The following CCBE1 variants were observed in gnomAD, a reference collection of about 807,000 sequenced individuals.
CCBE1 encodes the protein collagen and calcium binding EGF domains 1.
CCBE1 carries 37 observed loss-of-function variants against 50.0 expected under a neutral mutation model. That is an observed-to-expected ratio of 0.74 (90% CI 0.57 to 0.97). The LOEUF is 0.97. CCBE1 is among the 50% of genes least tolerant of loss of function. CCBE1 has a pLI of 0.00. For missense variants in CCBE1, 538 were observed against 523.8 expected (o/e 1.03, Z -0.26); for synonymous variants, 234 against 203.7 (o/e 1.15, Z -1.27).
intron 5 of CCBE1, among the ~76,000 whole-genome samples, chr18:59,455,486 C>G (rs553695107): frequency 6.6e-6 from 1 of 152,306 alleles, no homozygotes; most frequent in Admixed American, 6.5e-5. Flanking sequence ...GCCACTCCAT[C>G]TGGGGCCATT....
At chr18:59,615,804 A>C (rs905504243) in intron 2 of CCBE1, among the ~76,000 whole-genome samples, 2 of 152,232 alleles carry the variant, frequency 1.3e-5, no homozygotes, top group Non-Finnish European at 2.9e-5. Context: ...GGACATAGCT[A>C]GAACAGTGCA....
At chr18:59,652,929 A>C (rs1179721757) in intron 2 of CCBE1, among the ~76,000 whole-genome samples, 1 of 151,076 alleles carries the variant, frequency 6.6e-6, no homozygotes, top group African/African-American at 2.4e-5. Flanking sequence ...GCACCACTGC[A>C]CTCCAGCCTG....
chr18:59,680,330 C>A (rs2054570339), intron 2 of CCBE1, among the ~76,000 whole-genome samples: 1 of 152,024 alleles, frequency 6.6e-6, no homozygotes, highest in Non-Finnish European at 1.5e-5. Flanking sequence ...TGGCCCTAAG[C>A]AGTTTCCAGT....
At chr18:59,461,933 C>T (rs1190416809) in intron 5 of CCBE1, among the ~76,000 whole-genome samples, 1 of 152,048 alleles carries the variant, frequency 6.6e-6, no homozygotes, top group Non-Finnish European at 1.5e-5. Context: ...GGGGTTTCAC[C>T]ATGTTGGCCA....
chr18:59,508,755 T>C (rs1255999296), intron 2 of CCBE1, among the ~76,000 whole-genome samples: 1 of 143,116 alleles, frequency 7.0e-6, no homozygotes, highest in Non-Finnish European at 1.5e-5. Flanking sequence ...TTACTCTGTT[T>C]CCCAAGGCTG....
At chr18:59,684,884 G>A (rs1009899735) in intron 2 of CCBE1, among the ~76,000 whole-genome samples, 8 of 152,144 alleles carry the variant, frequency 5.3e-5, no homozygotes, top group Admixed American at 4.6e-4. Context: ...TTGTTTTCTG[G>A]GGTGGAGGGT....
intron 2 of CCBE1, among the ~76,000 whole-genome samples, chr18:59,618,273 A>T (rs2053663694): frequency 6.6e-6 from 1 of 151,892 alleles, no homozygotes; most frequent in South Asian, 2.1e-4. Flanking sequence ...ACATCAGGAG[A>T]CCCACTGCTA....
chr18:59,581,590 G>A (rs924179844), intron 2 of CCBE1, among the ~76,000 whole-genome samples: 6 of 152,090 alleles, frequency 3.9e-5, no homozygotes, highest in Admixed American at 1.3e-4. Flanking sequence ...AATAGCTCAT[G>A]GTTCCTAACA....
intron 2 of CCBE1, among the ~76,000 whole-genome samples, chr18:59,622,851 G>C (rs11663799): frequency 0.33 from 49,661 of 148,884 alleles, 8,775 homozygotes; most frequent in East Asian, 0.6. Context: ...AGATGCCAGG[G>C]TCTGGGGGAG....
At chr18:59,582,447 C>T (rs1338550028) in intron 2 of CCBE1, among the ~76,000 whole-genome samples, 6 of 152,114 alleles carry the variant, frequency 3.9e-5, no homozygotes, top group Non-Finnish European at 7.4e-5. Flanking sequence ...ATGCCAAGTA[C>T]GTGACAAGAA....
intron 2 of CCBE1, among the ~76,000 whole-genome samples, chr18:59,679,143 C>G (rs1028784977): frequency 1.6e-4 from 25 of 152,248 alleles, no homozygotes; most frequent in Admixed American, 3.3e-4. Context: ...GGTGGCTTCC[C>G]CATACAGTGA....
intron 2 of CCBE1, among the ~76,000 whole-genome samples, chr18:59,653,218 C>T (rs2054148162): frequency 6.6e-6 from 1 of 152,122 alleles, no homozygotes; most frequent in Non-Finnish European, 1.5e-5. Flanking sequence ...GCCTCCTATC[C>T]CAGAGAGCTG....
chr18:59,680,542 C>CA (rs1166229174), intron 2 of CCBE1, among the ~76,000 whole-genome samples: 1 of 151,072 alleles, frequency 6.6e-6, no homozygotes, highest in Non-Finnish European at 1.5e-5. Context: ...ACTAAAAACA[C>CA]AAAAAATTAG....
chr18:59,530,002 G>A (rs1914986211), intron 2 of CCBE1, among the ~76,000 whole-genome samples: 2 of 152,284 alleles, frequency 1.3e-5, no homozygotes, highest in South Asian at 4.1e-4. Flanking sequence ...CAATCCCAGA[G>A]TTTCTGAGTT....
At position 59,592,931 on chromosome 18, in the gene CCBE1, A is replaced by T. The variant is rs2053294635; in HGVS notation, c.212+103698T>A. Among the ~76,000 whole-genome samples, 4 of 152,224 alleles carry T rather than the reference A, an allele frequency of 2.6e-5. No individual in the cohort carries two copies. The South Asian group carries it at 8.3e-4, about 32-fold the overall frequency. ...TTAAAAATAAAAAAAAAGGAAGGAA[A>T]CCTGCAGATTAAAAAAGATTTAAAA... is the stretch of plus-strand genomic sequence containing the variant. On this transcript the variant is annotated intron_variant, in intron 2 of 10. Coordinates refer to ENST00000439986, the MANE Select transcript of CCBE1 (RefSeq NM_133459.4).
intron 2 of CCBE1, among the ~76,000 whole-genome samples, chr18:59,484,086 A>G (rs569378756): frequency 6.6e-6 from 1 of 152,214 alleles, no homozygotes; most frequent in Non-Finnish European, 1.5e-5. Context: ...CCACCTTTAT[A>G]TTGCATGAAA....
chr18:59,439,868 G>A, intron 7 of CCBE1, 52 bp from the exon 8 acceptor site: 1 of 1,604,452 alleles, frequency 6.2e-7, no homozygotes, highest in Non-Finnish European at 8.5e-7. Context: ...AGGACAAAGG[G>A]CCCTGGCTAA....
chr18:59,603,641 T>C (rs1432032093), intron 2 of CCBE1, among the ~76,000 whole-genome samples: 1 of 152,226 alleles, frequency 6.6e-6, no homozygotes, highest in Non-Finnish European at 1.5e-5. Context: ...AAAATGAAAT[T>C]AGCATTATCT....
At chr18:59,557,620 C>T (rs1027932264) in intron 2 of CCBE1, among the ~76,000 whole-genome samples, 2 of 152,142 alleles carry the variant, frequency 1.3e-5, no homozygotes, top group African/African-American at 2.4e-5. Context: ...TTTAACTTCA[C>T]TTCAGCCTCT....
Sources: allele counts gnomAD v4.1 joint callset (sites outside exome capture counted in the v4.1 genomes callset), GRCh38; gene constraint gnomAD v4.1.1; transcripts MANE v1.5; gene names NCBI Gene and HGNC (gene_info 2026-07-23, HGNC 2026-07-21).